Variants in CNTRL observed in about 807,000 individuals in gnomAD.
The protein encoded by CNTRL is centriolin.
In CNTRL, 233 loss-of-function variants were observed where a neutral mutation model predicts 303.7. The observed-to-expected ratio is 0.77, with a 90% CI of 0.69 to 0.86. The LOEUF (loss-of-function observed/expected upper bound fraction) is 0.86. Among genes scored for constraint, CNTRL ranks in the 40% least tolerant of loss-of-function variants. The pLI is 0.00. For synonymous variants in CNTRL, 900 were observed against 922.2 expected (o/e 0.98, Z 0.44); for missense variants, 2,524 against 2,650.6 (o/e 0.95, Z 1.05).
rs1446098338 is a variant in CNTRL, at chr9:121,137,575, T to C, written c.2203-970T>C. On this transcript the variant is annotated intron_variant, in intron 15 of 43. Coordinates refer to ENST00000373855, the MANE Select transcript of CNTRL (RefSeq NM_007018.6). ...TCTGGTTTATTATAGTAATTATGTA[T>C]ATTTCTTTACTTATGAGATATCAGA... is the stretch of plus-strand genomic sequence containing the variant. Among the ~76,000 whole-genome samples, 3 of 152,246 alleles carry C rather than the reference T, an allele frequency of 2.0e-5. No individual in the cohort carries two copies. In the East Asian group the frequency reaches 5.8e-4, roughly 29 times the overall value.
chr9:121,098,341 A>C, intron 6 of CNTRL, 45 bp from the exon 7 acceptor site: 1 of 1,370,752 alleles, frequency 7.3e-7, no homozygotes, highest in East Asian at 2.3e-5. Context: ...GTATGTTATG[A>C]TTTTTAAATT....
chr9:121,119,078 A>ATGTGTG (rs745355977), intron 12 of CNTRL, among the ~76,000 whole-genome samples: 30 of 99,966 alleles, frequency 3.0e-4, no homozygotes, highest in South Asian at 1.3e-3. Context: ...ATACATAAAT[A>ATGTGTG]TATGTGTGTG....
At position 121,125,745 on chromosome 9, in the gene CNTRL, A is replaced by G; in HGVS notation, c.1834A>G (p.Lys612Glu). ...GATAGCAGCAAATGAAGCCCTGAAGAAGGATTTAGAAGGTGTTATCAGTGG... is the reference window on the plus strand; with the variant it reads ...GATAGCAGCAAATGAAGCCCTGAAGGAGGATTTAGAAGGTGTTATCAGTGG... ...GQIAANEALK[K>E]DLEGVISGLQ... Residue 612 changes from lysine to glutamate, a missense_variant, in exon 14 of 44, where the codon AAG becomes GAG. By Grantham distance (56) the Lys-to-Glu change is moderately conservative. Coordinates refer to ENST00000373855, the MANE Select transcript of CNTRL (RefSeq NM_007018.6). The G allele has an allele frequency of 3.1e-6, 5 of 1,614,144 alleles. No individual in the cohort carries two copies. The highest frequency in any genetic ancestry group is 4.2e-6 in the Non-Finnish European group (5 of 1,180,012).
At chr9:121,122,330 C>T (rs1443436755) in intron 12 of CNTRL, 1 of 889,526 alleles carries the variant, frequency 1.1e-6, no homozygotes, top group Non-Finnish European at 1.3e-6. Flanking sequence ...TGCAAAATAC[C>T]ATAAAGCTTT....
At chr9:121,094,813 T>C (rs2048820653) in intron 4 of CNTRL, 75 bp from the exon 5 acceptor site, 3 of 1,102,048 alleles carry the variant, frequency 2.7e-6, no homozygotes, top group Non-Finnish European at 3.9e-6. Flanking sequence ...CAGACCCTGA[T>C]GCACATAAGT....
rs375930484 is a variant in CNTRL, at chr9:121,152,629, A to C, written c.4108A>C (p.Lys1370Gln). ...TAATATTGATGATCTTTTGCAAGAG[A>C]AGAAAAGCTTAGAGTGTGAAGTAGA... Reference protein sequence around the residue: ...HHNIDDLLQEKKSLECEVEEL... With the variant: ...HHNIDDLLQEQKSLECEVEEL... The change falls in exon 26 of 44, where the codon AAG becomes CAG. Residue 1370 changes from lysine to glutamine, a missense_variant. Lys to Gln is a moderately conservative substitution (Grantham distance 53, BLOSUM62 1). Coordinates refer to ENST00000373855, the MANE Select transcript of CNTRL (RefSeq NM_007018.6). 106 of 1,614,030 alleles carry C rather than the reference A, an allele frequency of 6.6e-5. No homozygotes were observed. Among genetic ancestry groups the C allele is most frequent in the African/African-American group, 1.2e-4 (9 of 74,938 alleles).
chr9:121,110,084 G>A (rs2049679787), intron 8 of CNTRL, among the ~76,000 whole-genome samples: 1 of 152,128 alleles, frequency 6.6e-6, no homozygotes, highest in Non-Finnish European at 1.5e-5. Context: ...AGTTGCTTGT[G>A]CATTAGGCCA....
In CNTRL at chr9:121,161,895, A is replaced by C. The variant is rs749544191; in HGVS notation, c.5129A>C (p.His1710Pro). The C allele has an allele frequency of 1.2e-6, 2 of 1,614,134 alleles. No homozygotes were observed. Among genetic ancestry groups the C allele is most frequent in the Non-Finnish European group, 1.7e-6 (2 of 1,179,948 alleles). ...NILDMLQLEN[H>P]ELQGLKLQHD... is the part of the protein sequence containing the mutation. Reference sequence around the variant, plus strand: ...CTGGACATGTTGCAACTTGAAAACCATGAGCTACAAGGTTTGAAGCTACAA... The same window carrying C: ...CTGGACATGTTGCAACTTGAAAACCCTGAGCTACAAGGTTTGAAGCTACAA... Residue 1710 changes from histidine to proline, a missense_variant, in exon 33 of 44, where the codon CAT becomes CCT. Transcript: ENST00000373855.
intron 2 of CNTRL, among the ~76,000 whole-genome samples, chr9:121,084,972 T>C (rs2048289740): frequency 6.6e-6 from 1 of 152,246 alleles, no homozygotes; most frequent in African/African-American, 2.4e-5. Flanking sequence ...TAAAGGAATT[T>C]GACCAAGGTC....
At position 121,168,023 on chromosome 9, in the gene CNTRL, G is replaced by A. The variant is rs2053161109; in HGVS notation, c.5845-73G>A. 9 of 1,290,528 alleles carry A rather than the reference G, an allele frequency of 7.0e-6. No homozygotes were observed. The Middle Eastern group carries it at 1.4e-3, about 207-fold the overall frequency. The allele number at this position is 1,290,528 out of a possible 1,614,324, so 79.9% of individuals were successfully genotyped here. On this transcript the variant is annotated intron_variant, in intron 37 of 43. Transcript: ENST00000373855. ...TCTACTTTCTTTTGACCTGGAATCT[G>A]TCTCATGTCCATGCAGGTTCTCTGG...
chr9:121,150,319 C>A lies in CNTRL; in HGVS notation c.3799C>A (p.Pro1267Thr), dbSNP rs745508585. The A allele has an allele frequency of 6.2e-7, 1 of 1,614,162 alleles. No homozygotes were observed. Among genetic ancestry groups the A allele is most frequent in the East Asian group, 2.2e-5 (1 of 44,866 alleles). The change falls in exon 25 of 44, where the codon CCT becomes ACT. Residue 1267 changes from proline to threonine, a missense_variant. Transcript: ENST00000373855. ...PQGMALYAPP[P>T]PLPNNSRPLT... ...GGGCATGGCCCTGTATGCACCACCT[C>A]CTCCCTTGCCAAACAATAGCCGACC... is the stretch of plus-strand genomic sequence containing the variant.
chr9:121,159,111 T>C (rs536407014), intron 31 of CNTRL, 92 bp downstream of exon 31: 13 of 1,297,352 alleles, frequency 1.0e-5, no homozygotes, highest in Non-Finnish European at 1.4e-5. Flanking sequence ...CAAATGAAAA[T>C]ATAAATTCCT....
intron 21 of CNTRL, 118 bp from the exon 22 acceptor site, chr9:121,145,126 A>C (rs1347487070): frequency 8.0e-7 from 1 of 1,257,762 alleles, no homozygotes; most frequent in South Asian, 1.5e-5. Flanking sequence ...CAAGTAATGC[A>C]GTTTCCTCAC....
In CNTRL at chr9:121,125,722, T is replaced by C; in HGVS notation, c.1811T>C (p.Ile604Thr). ...CTTTTTGCATCTTGCTTAGGCCAGA[T>C]AGCAGCAAATGAAGCCCTGAAGAAG... ...DLEEQLTEGQ[I>T]AANEALKKDL... is the part of the protein sequence containing the mutation. Residue 604 changes from isoleucine to threonine, a missense_variant, in exon 14 of 44, where the codon ATA (isoleucine) becomes ACA (threonine). Transcript: ENST00000373855. 6.2e-7 allele frequency: 1 copy of C among 1,614,064 alleles called. No individual in the cohort carries two copies. The highest frequency in any genetic ancestry group is 8.5e-7 in the Non-Finnish European group (1 of 1,179,926).
Position 121,148,680 on chromosome 9 carries a change from C to T in CNTRL, c.3468C>T (p.Ser1156=), listed in dbSNP as rs762814953. The T allele has an allele frequency of 3.7e-6, 6 of 1,612,066 alleles. No homozygotes were observed. Among genetic ancestry groups the T allele is most frequent in the Non-Finnish European group, 5.1e-6 (6 of 1,178,618 alleles). The change falls in exon 24 of 44, where the codon AGC becomes AGT. Residue 1156 remains serine (S), a synonymous_variant. Coordinates refer to ENST00000373855, the MANE Select transcript of CNTRL (RefSeq NM_007018.6). ...MPPPPSSKVS[S]HSSQATKDSG... ...GCTGTCATTTGTTTTAGGTTTCCAG[C>T]CATAGTTCCCAGGCCACCAAGGACT...
At chr9:121,134,290 A>T (rs1057242096) in intron 14 of CNTRL, among the ~76,000 whole-genome samples, 22 of 97,886 alleles carry the variant, frequency 2.2e-4, no homozygotes, top group Admixed American at 5.1e-4. Flanking sequence ...TAATATCATT[A>T]TTATTTTTTT....
chr9:121,165,169 A>G, intron 35 of CNTRL, 69 bp downstream of exon 35: 2 of 1,407,710 alleles, frequency 1.4e-6, no homozygotes, highest in Non-Finnish European at 1.9e-6. Flanking sequence ...GATTTTTCTT[A>G]CGACAAGTAA....
chr9:121,142,077 G>T lies in CNTRL; in HGVS notation c.2692-14G>T. 1 of 1,551,672 alleles carries T rather than the reference G, an allele frequency of 6.4e-7. No individual in the cohort carries two copies. The highest frequency in any genetic ancestry group is 8.7e-7 in the Non-Finnish European group (1 of 1,151,708). On this transcript the variant is annotated splice_polypyrimidine_tract_variant and intron_variant, in intron 18 of 43. Coordinates refer to ENST00000373855, the MANE Select transcript of CNTRL (RefSeq NM_007018.6). ...TTGCCTAAAAATCATTCTTGAAATT[G>T]TATTTCTTCACAGATGAATTTTGAT...
At chr9:121,128,970 T>G (rs760180317) in intron 14 of CNTRL, among the ~76,000 whole-genome samples, 15 of 152,244 alleles carry the variant, frequency 9.9e-5, no homozygotes, top group Non-Finnish European at 2.1e-4. Flanking sequence ...TATTTATTTC[T>G]GCAGTCTCTG....
Sources: allele counts gnomAD v4.1 joint callset (sites outside exome capture counted in the v4.1 genomes callset), GRCh38; gene constraint gnomAD v4.1.1; transcripts MANE v1.5; gene names NCBI Gene and HGNC (gene_info 2026-07-23, HGNC 2026-07-21).